C1orf21: variants seen among roughly 807,000 people sequenced by gnomAD.
The protein encoded by C1orf21 is uncharacterized protein C1orf21.
Under a neutral mutation model 18.7 loss-of-function variants are expected in C1orf21, and 3 were observed. The observed-to-expected ratio is 0.16, with a 90% CI of 0.07 to 0.42. C1orf21 has a LOEUF of 0.42. Among genes scored for constraint, C1orf21 ranks in the 10% least tolerant of loss-of-function variants. The pLI, the probability that C1orf21 is intolerant of heterozygous loss-of-function variation, is 0.99. For missense variants in C1orf21, 104 were observed against 143.6 expected (o/e 0.72, Z 1.41); for synonymous variants, 41 against 46.4 (o/e 0.88, Z 0.47).
intron 1 of C1orf21, among the ~76,000 whole-genome samples, chr1:184,468,191 G>A (rs957216772): frequency 6.6e-6 from 1 of 152,210 alleles, no homozygotes; most frequent in East Asian, 1.9e-4. Flanking sequence ...AAGACTTTCG[G>A]ATAGTCAGGG....
chr1:184,438,350 G>T (rs1262346517), intron 1 of C1orf21, among the ~76,000 whole-genome samples: 1 of 152,198 alleles, frequency 6.6e-6, no homozygotes, highest in Non-Finnish European at 1.5e-5. Context: ...AAGGGATCTT[G>T]CAGCTTGTCT....
At chr1:184,519,411 G>A (rs1258394716) in intron 3 of C1orf21, among the ~76,000 whole-genome samples, 1 of 152,210 alleles carries the variant, frequency 6.6e-6, no homozygotes, top group Non-Finnish European at 1.5e-5. Flanking sequence ...GTAGAAAGTA[G>A]AAAGAAGCTC....
chr1:184,486,592 C>G (rs1013316886), intron 2 of C1orf21, among the ~76,000 whole-genome samples: 26 of 152,258 alleles, frequency 1.7e-4, no homozygotes, highest in African/African-American at 6.3e-4. Context: ...ATGCTAGATG[C>G]CGCCTTGATG....
At chr1:184,398,781 A>C (rs1333984244) in intron 1 of C1orf21, among the ~76,000 whole-genome samples, 1 of 152,200 alleles carries the variant, frequency 6.6e-6, no homozygotes, top group African/African-American at 2.4e-5. Context: ...TAGAAAAGGT[A>C]AAATATGGTA....
At chr1:184,464,651 A>T (rs1048126995) in intron 1 of C1orf21, among the ~76,000 whole-genome samples, 2 of 152,242 alleles carry the variant, frequency 1.3e-5, no homozygotes, top group African/African-American at 4.8e-5. Flanking sequence ...TGACTCTCAT[A>T]GTAAGAGTTT....
At chr1:184,608,068 C>T (rs1048901386) in intron 5 of C1orf21, among the ~76,000 whole-genome samples, 10 of 151,954 alleles carry the variant, frequency 6.6e-5, no homozygotes, top group Admixed American at 1.3e-4. Context: ...ACATACAAAC[C>T]GACCAAACCC....
intron 3 of C1orf21, among the ~76,000 whole-genome samples, chr1:184,523,239 G>A (rs1373345851): frequency 6.6e-6 from 1 of 152,146 alleles, no homozygotes; most frequent in East Asian, 1.9e-4. Context: ...TTACAGTGGA[G>A]AAACCTGACA....
chr1:184,590,391 G>C (rs1444708090), intron 3 of C1orf21, among the ~76,000 whole-genome samples: 1 of 152,228 alleles, frequency 6.6e-6, no homozygotes, highest in Non-Finnish European at 1.5e-5. Context: ...ACCTGAGCAA[G>C]TGAACAAAGG....
At chr1:184,563,468 A>G (rs930806390) in intron 3 of C1orf21, among the ~76,000 whole-genome samples, 2 of 152,192 alleles carry the variant, frequency 1.3e-5, no homozygotes, top group African/African-American at 4.8e-5. Context: ...AACTCTAAAA[A>G]TACCAAATGG....
intron 2 of C1orf21, among the ~76,000 whole-genome samples, chr1:184,499,581 T>G (rs1277535729): frequency 6.6e-6 from 1 of 152,140 alleles, no homozygotes; most frequent in Non-Finnish European, 1.5e-5. Context: ...TTACAAAGGA[T>G]TATGATTTGG....
At chr1:184,468,130 A>C (rs1386327181) in intron 1 of C1orf21, among the ~76,000 whole-genome samples, 1 of 152,222 alleles carries the variant, frequency 6.6e-6, no homozygotes, top group Non-Finnish European at 1.5e-5. Flanking sequence ...TGTTTTCAGG[A>C]AACTTCCTAA....
rs184118203 is a variant in C1orf21, at chr1:184,515,034, T to A, written c.189+7352T>A. 1.8e-3 allele frequency among the ~76,000 whole-genome samples: 273 copies of A among 152,312 alleles called. 2 individuals are homozygous for A. Among genetic ancestry groups the A allele is most frequent in the African/African-American group, 6.4e-3 (265 of 41,574 alleles). On this transcript the variant is annotated intron_variant, in intron 3 of 5. Coordinates refer to ENST00000235307, the MANE Select transcript of C1orf21 (RefSeq NM_030806.4). ...AGAATGTAAAGACTCAGTTTCCTGC[T>A]CTGCAAAATGGGGAGAATAATTGGA...
intron 5 of C1orf21, among the ~76,000 whole-genome samples, chr1:184,615,881 T>C (rs1659814022): frequency 6.6e-6 from 1 of 152,250 alleles, no homozygotes; most frequent in South Asian, 2.1e-4. Flanking sequence ...TGTGTAATGG[T>C]CAAATCAGGG....
At chr1:184,551,632 C>T (rs1348336170) in intron 3 of C1orf21, among the ~76,000 whole-genome samples, 2 of 152,112 alleles carry the variant, frequency 1.3e-5, no homozygotes, top group East Asian at 3.8e-4. Context: ...GGTTAGCTGC[C>T]CCTCCCCGTG....
rs1237303167 is a variant in C1orf21, at chr1:184,619,521, C to T, written c.331C>T (p.Arg111Trp). Residue 111 changes from arginine (R) to tryptophan (W), a missense_variant, in exon 6 of 6, where the codon CGG (arginine) becomes TGG (tryptophan). Physicochemically the swap from Arg to Trp is moderately radical, Grantham distance 101. Transcript: ENST00000235307. Reference protein sequence around the residue: ...RMLDEKIEKGRDYCSEEEDIT With the variant: ...RMLDEKIEKGWDYCSEEEDIT The stretch of plus-strand genomic sequence containing the variant: ...CTTTTTTCTTTTTCCCTCCAAGGGT[C>T]GGGATTACTGTTCGGAAGAAGAGGA... The T allele has an allele frequency of 2.5e-6, 4 of 1,613,170 alleles. No individual in the cohort carries two copies. Among genetic ancestry groups the T allele is most frequent in the Non-Finnish European group, 3.4e-6 (4 of 1,179,672 alleles).
At position 184,625,719 on chromosome 1, in the gene C1orf21, C is replaced by T. The variant is rs1401579676; in HGVS notation, c.*6163C>T. ...CCGAAACAGGAAAAACCAGCCATCA[C>T]TCTTGAGAAAGTTTGAGTTCGACTC... On this transcript the variant is annotated 3_prime_UTR_variant, in exon 6 of 6. Coordinates refer to ENST00000235307, the MANE Select transcript of C1orf21 (RefSeq NM_030806.4). 1.3e-5 allele frequency: 2 copies of T among 152,476 alleles called. No homozygotes were observed. The highest frequency in any genetic ancestry group is 4.8e-5 in the African/African-American group (2 of 41,426). 9.4% of individuals were successfully genotyped at this position (152,476 alleles called of 1,614,324 possible).
At chr1:184,577,954 T>TTTTG (rs1659218243) in intron 3 of C1orf21, among the ~76,000 whole-genome samples, 3 of 70,450 alleles carry the variant, frequency 4.3e-5, no homozygotes, top group African/African-American at 6.1e-5. Context: ...TTTGTTTTTG[T>TTTTG]TTTTTTTTTT....
chr1:184,523,613 T>C (rs547045013), intron 3 of C1orf21, among the ~76,000 whole-genome samples: 6 of 152,174 alleles, frequency 3.9e-5, no homozygotes, highest in South Asian at 4.1e-4. Flanking sequence ...TCAATGTTAC[T>C]TGATTAATTG....
intron 3 of C1orf21, among the ~76,000 whole-genome samples, chr1:184,523,881 C>T (rs965041904): frequency 6.6e-6 from 1 of 152,056 alleles, no homozygotes; most frequent in African/African-American, 2.4e-5. Context: ...TGAGGATAAA[C>T]CACTTTATGT....
Sources: allele counts gnomAD v4.1 joint callset (sites outside exome capture counted in the v4.1 genomes callset), GRCh38; gene constraint gnomAD v4.1.1; transcripts MANE v1.5; gene names NCBI Gene and HGNC (gene_info 2026-07-23, HGNC 2026-07-21).